Variants in CSMD1 observed in about 807,000 individuals in gnomAD.
CSMD1 encodes CUB and sushi domain-containing protein 1.
In CSMD1, 213 loss-of-function variants were observed where a neutral mutation model predicts 417.5. The ratio of observed to expected loss-of-function variants is 0.51; its 90% CI spans 0.46 to 0.57. CSMD1 has a LOEUF of 0.57. CSMD1 is among the 20% of genes least tolerant of loss of function. The pLI is 0.00. For synonymous variants in CSMD1, 2,862 were observed against 1,736.8 expected (o/e 1.65, Z -16.11); for missense variants, 6,923 against 4,529.7 (o/e 1.53, Z -15.17).
chr8:3,129,296 T>C (rs1179991557), intron 41 of CSMD1, among the ~76,000 whole-genome samples: 2 of 152,362 alleles, frequency 1.3e-5, no homozygotes, highest in East Asian at 3.9e-4. Context: ...AAATATTTTG[T>C]GAGTCAACCA....
At chr8:3,186,471 C>T (rs1422502346) in intron 36 of CSMD1, among the ~76,000 whole-genome samples, 1 of 152,100 alleles carries the variant, frequency 6.6e-6, no homozygotes, top group Non-Finnish European at 1.5e-5. Flanking sequence ...GCACTTTATT[C>T]CCAACACCTT....
At chr8:3,695,383 T>C (rs1298420706) in intron 7 of CSMD1, among the ~76,000 whole-genome samples, 1 of 151,046 alleles carries the variant, frequency 6.6e-6, no homozygotes, top group East Asian at 1.9e-4. Flanking sequence ...ACTCAACGTG[T>C]CCTGTATGCT....
intron 1 of CSMD1, among the ~76,000 whole-genome samples, chr8:4,890,206 C>G (rs1296564822): frequency 6.6e-6 from 1 of 152,132 alleles, no homozygotes; most frequent in Non-Finnish European, 1.5e-5. Context: ...CATAAACACA[C>G]TTGATCTTGG....
intron 3 of CSMD1, among the ~76,000 whole-genome samples, chr8:4,277,876 T>G (rs1048318332): frequency 6.6e-6 from 1 of 151,986 alleles, no homozygotes; most frequent in African/African-American, 2.4e-5. Context: ...GCCTCCCGAG[T>G]AGATGGGACT....
intron 5 of CSMD1, among the ~76,000 whole-genome samples, chr8:3,984,323 C>T (rs896556181): frequency 2.6e-5 from 4 of 152,094 alleles, no homozygotes; most frequent in African/African-American, 9.7e-5. Context: ...AGCCAAATTT[C>T]GATCCACTGC....
chr8:3,857,486 A>G (rs1282076383), intron 5 of CSMD1, among the ~76,000 whole-genome samples: 1 of 152,282 alleles, frequency 6.6e-6, no homozygotes, highest in South Asian at 2.1e-4. Context: ...ACCTATATAT[A>G]TGAGGATACC....
intron 17 of CSMD1, among the ~76,000 whole-genome samples, chr8:3,389,654 G>A (rs7014806): frequency 6.9e-5 from 3 of 43,444 alleles, no homozygotes; most frequent in East Asian, 3.6e-4. Flanking sequence ...AATAAGTGAG[G>A]ATTATATATT....
At chr8:4,129,336 T>G (rs750249681) in intron 3 of CSMD1, among the ~76,000 whole-genome samples, 6 of 151,668 alleles carry the variant, frequency 4.0e-5, no homozygotes, top group African/African-American at 9.8e-5. Flanking sequence ...GGGAATTCAT[T>G]TTTTGAACCT....
intron 3 of CSMD1, among the ~76,000 whole-genome samples, chr8:4,049,660 C>T (rs1398285508): frequency 6.6e-6 from 1 of 152,174 alleles, no homozygotes; most frequent in South Asian, 2.1e-4. Flanking sequence ...TACTAATCGA[C>T]AAGCATAGGT....
chr8:3,672,183 A>G (rs900393443), intron 7 of CSMD1, among the ~76,000 whole-genome samples: 8 of 152,190 alleles, frequency 5.3e-5, no homozygotes, highest in African/African-American at 2.4e-5. Context: ...CAGGGATCTT[A>G]TAAGTTTGAT....
At chr8:3,095,896 C>A (rs935318919) in intron 47 of CSMD1, among the ~76,000 whole-genome samples, 1 of 152,124 alleles carries the variant, frequency 6.6e-6, no homozygotes, top group Non-Finnish European at 1.5e-5. Context: ...AATCATAAGA[C>A]TATTGTTGAA....
chr8:3,405,505 C>CA (rs909582644), intron 15 of CSMD1, among the ~76,000 whole-genome samples: 2 of 152,118 alleles, frequency 1.3e-5, no homozygotes, highest in Admixed American at 6.5e-5. Context: ...TCTGTCCCCC[C>CA]AAAAAATCAT....
intron 10 of CSMD1, among the ~76,000 whole-genome samples, chr8:3,547,280 A>G (rs6995564): frequency 0.45 from 68,722 of 152,160 alleles, 15,849 homozygotes; most frequent in East Asian, 0.53. Flanking sequence ...ACAGAAAGTC[A>G]TACTCGACAA....
At chr8:3,130,421 T>C (rs1175633077) in intron 41 of CSMD1, among the ~76,000 whole-genome samples, 1 of 152,006 alleles carries the variant, frequency 6.6e-6, no homozygotes, top group East Asian at 1.9e-4. Flanking sequence ...CTGCTTCCCC[T>C]GCTCTACTCT....
At chr8:4,484,378 G>A (rs1205772109) in intron 2 of CSMD1, among the ~76,000 whole-genome samples, 2 of 152,106 alleles carry the variant, frequency 1.3e-5, no homozygotes, top group South Asian at 2.1e-4. Context: ...CTTACATTAT[G>A]AACACTCTCT....
intron 13 of CSMD1, among the ~76,000 whole-genome samples, chr8:3,408,796 A>C (rs958229253): frequency 6.6e-6 from 1 of 152,042 alleles, no homozygotes; most frequent in African/African-American, 2.4e-5. Context: ...AAAATCATAT[A>C]TATTATATAA....
At chr8:4,012,346 C>G (rs1816608455) in intron 4 of CSMD1, among the ~76,000 whole-genome samples, 1 of 152,136 alleles carries the variant, frequency 6.6e-6, no homozygotes, top group South Asian at 2.1e-4. Flanking sequence ...TTCTCTTCAC[C>G]TCTTCTCTTC....
At chr8:3,944,109 T>C (rs1811071410) in intron 5 of CSMD1, among the ~76,000 whole-genome samples, 3 of 152,160 alleles carry the variant, frequency 2.0e-5, no homozygotes, top group South Asian at 4.1e-4. Context: ...GCAAATGTGA[T>C]AAAATATTAA....
At chr8:4,354,865 AGTGTGTGTGTGTGTGTGTGTGT>A (rs59255397) in intron 3 of CSMD1, among the ~76,000 whole-genome samples, 40 of 129,504 alleles carry the variant, frequency 3.1e-4, no homozygotes, top group African/African-American at 3.9e-4. Flanking sequence ...AGGAAAATGT[AGTGTGTGTGTGTGTGTGTGTGT>A]GTGTGTGTGT....
Sources: gnomAD v4.1 joint callset for allele counts (sites outside exome capture counted in the v4.1 genomes callset) on GRCh38, gnomAD v4.1.1 for gene constraint, MANE v1.5 for transcripts, NCBI Gene and HGNC (gene_info 2026-07-23, HGNC 2026-07-21) for gene names.